MGAM: variants seen among roughly 807,000 people sequenced by gnomAD.
MGAM encodes the protein alpha-1,4-glucosidase.
A neutral mutation model predicts 358.8 loss-of-function variants in MGAM; 253 were observed. That is an observed-to-expected ratio of 0.71 (90% confidence interval 0.64 to 0.78). The LOEUF (loss-of-function observed/expected upper bound fraction) is 0.78. Among genes scored for constraint, MGAM ranks in the 30% least tolerant of loss-of-function variants. MGAM has a pLI of 0.00. For missense variants in MGAM, 3,080 were observed against 3,432.6 expected (o/e 0.90, Z 2.57); for synonymous variants, 1,105 against 1,227.1 (o/e 0.90, Z 2.08).
At position 142,031,747 on chromosome 7, in the gene MGAM, A is replaced by G. The variant is rs1249964085; in HGVS notation, c.1538A>G (p.Glu513Gly). ...AACTGTGCTGTTTGGTGGACAAAGG[A>G]ATTTGAGCTTTTTCACAATCAAGTA... ...NPNCAVWWTK[E>G]FELFHNQVEF... Residue 513 changes from glutamate to glycine, a missense_variant, in exon 13 of 71, where the codon GAA becomes GGA. By Grantham distance (98) the Glu-to-Gly change is moderately conservative. This residue lies in a region of MGAM where 1,816 missense variants were observed against 1,840.5 expected (regional missense o/e 0.99). Coordinates refer to ENST00000475668, the MANE Select transcript of MGAM (RefSeq NM_001365693.1). The G allele has an allele frequency of 3.1e-6, 5 of 1,613,244 alleles. No homozygotes were observed. Among genetic ancestry groups the G allele is most frequent in the Non-Finnish European group, 4.2e-6 (5 of 1,179,462 alleles).
intron 21 of MGAM, among the ~76,000 whole-genome samples, chr7:142,045,270 A>G (rs1432669962): frequency 4.9e-4 from 50 of 103,042 alleles, no homozygotes; most frequent in African/African-American, 1.8e-3. Context: ...TATATATTAT[A>G]TATACCTATA....
chr7:142,059,668 A>G, intron 32 of MGAM, 68 bp downstream of exon 32: 1 of 1,598,272 alleles, frequency 6.3e-7, no homozygotes, highest in South Asian at 1.1e-5. Flanking sequence ...AGTCAGAGTT[A>G]TACTTTATTT....
rs1212498685 is a variant in MGAM, at chr7:142,084,471, A to AAG, written c.6382-48_6382-47insAG. 2.0e-6 allele frequency: 3 copies of AAG among 1,527,298 alleles called. 1 individual carries two copies. Among genetic ancestry groups the AAG allele is most frequent in the Admixed American group, 3.5e-5 (2 of 57,122 alleles). The allele number at this position is 1,527,298 out of a possible 1,614,324, so 94.6% of individuals were successfully genotyped here. On this transcript the variant is annotated intron_variant, in intron 53 of 70. Coordinates refer to ENST00000475668, the MANE Select transcript of MGAM (RefSeq NM_001365693.1). ...TCTTATTACTTGATGTAAAACTTCA[A>AAG]TCTGGTGTCTCTGTTCTGAGGACTA...
chr7:142,050,709 G>A lies in MGAM; in HGVS notation c.2650G>A (p.Val884Met), dbSNP rs1207484947. 6.2e-7 allele frequency: 1 copy of A among 1,613,372 alleles called. No homozygotes were observed. Among genetic ancestry groups the A allele is most frequent in the Non-Finnish European group, 8.5e-7 (1 of 1,179,634 alleles). ...AATTGTTTTGCAGAACCGCTTGGAGGTGAATATTTCACAATCAACCTACAA... is the reference window on the plus strand; with the variant it reads ...AATTGTTTTGCAGAACCGCTTGGAGATGAATATTTCACAATCAACCTACAA... ...EFSVTQNRLE[V>M]NISQSTYKDP... The change falls in exon 24 of 71, where the codon GTG becomes ATG. Residue 884 changes from valine (V) to methionine (M), a missense_variant. Transcript: ENST00000475668.
At chr7:142,045,575 A>ATG (rs1469071865) in intron 21 of MGAM, among the ~76,000 whole-genome samples, 2 of 110,164 alleles carry the variant, frequency 1.8e-5, no homozygotes, top group East Asian at 2.5e-4. Context: ...TATAATATAT[A>ATG]TTATATATAC....
At chr7:142,070,071 T>C (rs1813208782) in intron 43 of MGAM, among the ~76,000 whole-genome samples, 1 of 144,286 alleles carries the variant, frequency 6.9e-6, no homozygotes, top group South Asian at 2.3e-4. Context: ...CATGCACCTG[T>C]AGTCCCAGCT....
chr7:142,034,931 T>C (rs924872725), intron 16 of MGAM, 90 bp downstream of exon 16: 22 of 1,259,980 alleles, frequency 1.7e-5, no homozygotes, highest in Non-Finnish European at 2.1e-5. Context: ...TCCCCTCTCC[T>C]GCCTGCCATG....
intron 3 of MGAM, among the ~76,000 whole-genome samples, chr7:142,014,537 A>G (rs1805821775): frequency 1.3e-5 from 2 of 152,282 alleles, no homozygotes; most frequent in African/African-American, 4.8e-5. Flanking sequence ...ACCATTATCC[A>G]GCTTAAGAAA....
rs148651067 is a variant in MGAM at position 142,071,652 on chromosome 7, C to A, written c.5186+534C>A. On this transcript the variant is annotated intron_variant, in intron 44 of 70. Transcript: ENST00000475668. ...ATCTGCCTTGGCCACACTGCTCACCCATGTTTCTTTACTCTTGAATCACTT... is the reference window on the plus strand; with the variant it reads ...ATCTGCCTTGGCCACACTGCTCACCAATGTTTCTTTACTCTTGAATCACTT... Among the ~76,000 whole-genome samples, 3 of 146,030 alleles carry A rather than the reference C, an allele frequency of 2.1e-5. No homozygotes were observed. The East Asian group carries it at 6.1e-4, about 30-fold the overall frequency.
At chr7:142,045,063 TATATA>T in intron 21 of MGAM, among the ~76,000 whole-genome samples, 1 of 99,800 alleles carries the variant, frequency 1.0e-5, no homozygotes, top group East Asian at 2.4e-4. Context: ...ATATGTATAT[TATATA>T]TACGTGTAAT....
chr7:142,081,138 C>T (rs902260272), intron 50 of MGAM, among the ~76,000 whole-genome samples, 193 bp downstream of exon 50: 4 of 146,538 alleles, frequency 2.7e-5, no homozygotes, highest in African/African-American at 9.7e-5. Context: ...GGCAGTTGAG[C>T]GTGCCTGAGG....
At chr7:142,041,903 T>TAC (rs1487171272) in intron 21 of MGAM, among the ~76,000 whole-genome samples, 7 of 42,770 alleles carry the variant, frequency 1.6e-4, no homozygotes, top group African/African-American at 9.5e-4. Context: ...ATAATATATA[T>TAC]ATTATATATA....
chr7:141,993,995 C>T (rs1554447854), upstream of MGAM, among the ~76,000 whole-genome samples: 1 of 152,100 alleles, frequency 6.6e-6, no homozygotes, highest in South Asian at 2.1e-4. Context: ...CTTGCCGCAG[C>T]CTCATGAGTA....
rs782411551 is a variant in MGAM at position 142,036,265 on chromosome 7, C to A, written c.2056C>A (p.His686Asn). The change falls in exon 17 of 71, where the codon CAC becomes AAC. Residue 686 changes from histidine (H) to asparagine (N), a missense_variant. By Grantham distance (68) the His-to-Asn change is moderately conservative (BLOSUM62 1). This residue lies in a region of MGAM where 1,816 missense variants were observed against 1,840.5 expected (regional missense o/e 0.99). Transcript: ENST00000475668. ...LGAFYPFSRN[H>N]NGQGYKDQDP... Reference sequence around the variant, plus strand: ...TGCATTTTATCCGTTTTCTAGAAATCACAATGGCCAAGGCTACAAGGTAAG... The same window carrying A: ...TGCATTTTATCCGTTTTCTAGAAATAACAATGGCCAAGGCTACAAGGTAAG... 1.2e-6 allele frequency: 2 copies of A among 1,607,718 alleles called. No homozygotes were observed. Among genetic ancestry groups the A allele is most frequent in the South Asian group, 2.2e-5 (2 of 89,668 alleles).
rs771226773 is a variant in MGAM at position 142,085,829 on chromosome 7, G to T, written c.6508-4G>T. On this transcript the variant is annotated splice_region_variant and splice_polypyrimidine_tract_variant and intron_variant, in intron 54 of 70. Transcript: ENST00000475668. ...GCCTCTCAGCTCCCCATGTCCTCCC[G>T]CAGGACGTGCAGTACTCAGACATCG... 3.2e-6 allele frequency: 5 copies of T among 1,563,212 alleles called. No homozygotes were observed. In the South Asian group the frequency reaches 3.4e-5, roughly 11 times the overall value.
Position 142,022,303 on chromosome 7 carries a change from A to G in MGAM, c.746A>G (p.Asp249Gly). The G allele has an allele frequency of 1.2e-6, 2 of 1,612,572 alleles. No homozygotes were observed. Among genetic ancestry groups the G allele is most frequent in the Non-Finnish European group, 1.7e-6 (2 of 1,179,092 alleles). ...DSSIGPLLFA[D>G]QFLQLSTRLP... Reference sequence around the variant, plus strand: ...AGCATTGGGCCCCTACTGTTTGCTGACCAGTTCTTGCAGCTCTCCACTCGA... The same window carrying G: ...AGCATTGGGCCCCTACTGTTTGCTGGCCAGTTCTTGCAGCTCTCCACTCGA... Residue 249 changes from aspartate to glycine, a missense_variant, in exon 7 of 71, where the codon GAC (aspartate) becomes GGC (glycine). Asp to Gly is a moderately conservative substitution (Grantham distance 94). This residue lies in a region of MGAM where 1,816 missense variants were observed against 1,840.5 expected (regional missense o/e 0.99). Transcript: ENST00000475668.
In MGAM at chr7:142,096,208, A is replaced by C. The variant is rs1227060591; in HGVS notation, c.7608-123A>C. ...CTCCTGATGAAGCTAGGCCTAGGAA[A>C]AAGGCAAGGATGGCTCAGGGGCAGC... On this transcript the variant is annotated intron_variant, in intron 64 of 70. Transcript: ENST00000475668. 2,606 of 1,034,218 alleles carry C rather than the reference A, an allele frequency of 2.5e-3. 23 individuals carry two copies. The highest frequency in any genetic ancestry group is 1.9e-3 in the Non-Finnish European group (1,284 of 674,906). 64.1% of individuals were successfully genotyped at this position (1,034,218 alleles called of 1,614,324 possible).
chr7:142,000,159 A>G (rs1283440732), intron 1 of MGAM, among the ~76,000 whole-genome samples: 1 of 152,166 alleles, frequency 6.6e-6, no homozygotes, highest in Non-Finnish European at 1.5e-5. Context: ...ATTATCTCCC[A>G]ATTTATGTAG....
intron 21 of MGAM, among the ~76,000 whole-genome samples, chr7:142,046,009 T>TTATATATACATACAA (rs1267880620): frequency 1.5e-5 from 2 of 132,458 alleles, no homozygotes; most frequent in Non-Finnish European, 3.1e-5. Context: ...GTAATATATA[T>TTATATATACATACAA]TATGTATACA....
Sources: allele counts gnomAD v4.1 joint callset (sites outside exome capture counted in the v4.1 genomes callset), GRCh38; gene constraint gnomAD v4.1.1; regional missense constraint gnomAD v4.1.1; transcripts MANE v1.5; gene names NCBI Gene and HGNC (gene_info 2026-07-23, HGNC 2026-07-21).